MYBL2: variants seen among roughly 807,000 people sequenced by gnomAD.
MYBL2 encodes myb-related protein B.
In MYBL2, 28 loss-of-function variants were observed where a neutral mutation model predicts 79.9. The ratio of observed to expected loss-of-function variants is 0.35; its 90% CI spans 0.26 to 0.48. The LOEUF (loss-of-function observed/expected upper bound fraction) is 0.48, where lower values mean the gene tolerates loss of function less well. Ranked by LOEUF, MYBL2 falls within the 20% of genes least tolerant of loss-of-function variation. The pLI, the probability that MYBL2 is intolerant of heterozygous loss-of-function variation, is 0.99. For synonymous variants in MYBL2, 378 were observed against 361.2 expected, an observed-to-expected ratio of 1.05 and a Z score of -0.53; for missense variants, 735 against 893.9, an observed-to-expected ratio of 0.82 and a Z score of 2.27.
chr20:43,698,240 A>G (rs184032), intron 6 of MYBL2, among the ~76,000 whole-genome samples: 114,089 of 151,132 alleles, frequency 0.75, 44,017 homozygotes, highest in Non-Finnish European at 0.83. Flanking sequence ...CGTTTGTTTT[A>G]TAGAGATGGG....
At chr20:43,668,282 C>G (rs1432635466) in intron 1 of MYBL2, among the ~76,000 whole-genome samples, 1 of 150,356 alleles carries the variant, frequency 6.7e-6, no homozygotes, top group South Asian at 2.1e-4. Flanking sequence ...CTCACTGCAA[C>G]CTCCGCCTCC....
intron 1 of MYBL2, among the ~76,000 whole-genome samples, chr20:43,668,191 C>T (rs914257516): frequency 5.8e-5 from 7 of 121,450 alleles, no homozygotes; most frequent in Non-Finnish European, 9.6e-5. Context: ...ACCTTCGTTC[C>T]CTCTTTTTTT....
At chr20:43,712,919 C>T in intron 11 of MYBL2, 83 bp from the exon 12 acceptor site, 2 of 1,067,700 alleles carry the variant, frequency 1.9e-6, no homozygotes, top group Non-Finnish European at 2.8e-6. Context: ...GTTTTGTGAC[C>T]ATCCATGGCC....
chr20:43,690,678 T>C (rs933175932), intron 5 of MYBL2, among the ~76,000 whole-genome samples: 2 of 152,180 alleles, frequency 1.3e-5, no homozygotes, highest in Non-Finnish European at 2.9e-5. Context: ...TTACTCTCTG[T>C]TCACTTTTCA....
chr20:43,671,702 C>T (rs1241859373), intron 1 of MYBL2, among the ~76,000 whole-genome samples: 7 of 151,728 alleles, frequency 4.6e-5, no homozygotes, highest in African/African-American at 1.7e-4. Flanking sequence ...GAACTCCCGA[C>T]CTCAGGTGAT....
intron 3 of MYBL2, 78 bp from the exon 4 acceptor site, chr20:43,682,716 C>T (rs1367149058): frequency 1.5e-6 from 2 of 1,372,634 alleles, no homozygotes; most frequent in Non-Finnish European, 2.1e-6. Flanking sequence ...GGCCCCTGAG[C>T]CTAGTACTTA....
intron 4 of MYBL2, 111 bp from the exon 5 acceptor site, chr20:43,686,741 T>C (rs1161873152): frequency 3.9e-6 from 4 of 1,017,140 alleles, no homozygotes; most frequent in Non-Finnish European, 5.8e-6. Context: ...TGAGGGGATG[T>C]GGTAGGTGGC....
At chr20:43,712,468 C>T (rs1987929214) in intron 11 of MYBL2, among the ~76,000 whole-genome samples, 1 of 152,090 alleles carries the variant, frequency 6.6e-6, no homozygotes, top group African/African-American at 2.4e-5. Context: ...GCTGAGTGCA[C>T]TGTTGGGTAG....
At chr20:43,682,767 T>C in intron 3 of MYBL2, 27 bp from the exon 4 acceptor site, 1 of 1,609,846 alleles carries the variant, frequency 6.2e-7, no homozygotes, top group Non-Finnish European at 8.5e-7. Flanking sequence ...TCTCACAGAT[T>C]GGTTTGTTCT....
chr20:43,686,733 AG>A lies in MYBL2; in HGVS notation c.280-115del, dbSNP rs755438932. ...CCTGCAGCTCGCTCAGTGTTGCCTG[AG>A]GGGATGTGGTAGGTGGCACCTCTCA... On this transcript the variant is annotated intron_variant, in intron 4 of 13. Coordinates refer to ENST00000217026, the MANE Select transcript of MYBL2 (RefSeq NM_002466.4). The A allele has an allele frequency of 7.2e-4, 690 of 958,518 alleles. 7 individuals are homozygous for A. The highest frequency in any genetic ancestry group is 2.8e-3 in the Middle Eastern group (9 of 3,158). 59.4% of individuals were successfully genotyped at this position (958,518 alleles called of 1,614,324 possible).
intron 4 of MYBL2, among the ~76,000 whole-genome samples, chr20:43,683,143 T>C (rs552517632): frequency 6.6e-6 from 1 of 152,246 alleles, no homozygotes; most frequent in African/African-American, 2.4e-5. Context: ...GTTCCACCCA[T>C]GGAGGGGAGC....
Position 43,699,965 on chromosome 20 carries a change from A to G in MYBL2, c.872A>G (p.Lys291Arg). 1 of 1,614,152 alleles carries G rather than the reference A, an allele frequency of 6.2e-7. No individual in the cohort carries two copies. The highest frequency in any genetic ancestry group is 8.5e-7 in the Non-Finnish European group (1 of 1,180,026). Residue 291 changes from lysine (K) to arginine (R), a missense_variant, in exon 7 of 14, where the codon AAG becomes AGG. Transcript: ENST00000217026. ...GSPPETSLPY[K>R]WVVEAANLLI... Reference sequence around the variant, plus strand: ...CCACCAGAAACGAGCCTGCCTTACAAGTGGGTGGTGGAGGCAGCTAACCTC... The same window carrying G: ...CCACCAGAAACGAGCCTGCCTTACAGGTGGGTGGTGGAGGCAGCTAACCTC...
intron 10 of MYBL2, among the ~76,000 whole-genome samples, chr20:43,710,839 G>T (rs571709931): frequency 1.3e-5 from 2 of 152,306 alleles, no homozygotes; most frequent in South Asian, 4.1e-4. Flanking sequence ...CTCCTTTCCT[G>T]TTGCAGTGGA....
chr20:43,704,845 A>C (rs944875332), intron 8 of MYBL2, among the ~76,000 whole-genome samples: 1 of 152,228 alleles, frequency 6.6e-6, no homozygotes, highest in Non-Finnish European at 1.5e-5. Flanking sequence ...CCACCAGCAC[A>C]CTACAACTGT....
intron 7 of MYBL2, 88 bp downstream of exon 7, chr20:43,700,132 C>G: frequency 6.6e-7 from 1 of 1,504,018 alleles, no homozygotes. Flanking sequence ...TTTGCTCATT[C>G]CATCGCCCTG....
At chr20:43,713,704 G>A (rs1987964361) in intron 12 of MYBL2, among the ~76,000 whole-genome samples, 1 of 152,168 alleles carries the variant, frequency 6.6e-6, no homozygotes, top group Non-Finnish European at 1.5e-5. Flanking sequence ...GTGTCTTAAG[G>A]TATAGCCAGG....
At chr20:43,691,523 G>C (rs1987408142) in intron 5 of MYBL2, among the ~76,000 whole-genome samples, 1 of 147,306 alleles carries the variant, frequency 6.8e-6, no homozygotes, top group Non-Finnish European at 1.5e-5. Context: ...GTGAGCCACT[G>C]TTCCTGGTCT....
chr20:43,670,918 T>A (rs1355814105), intron 1 of MYBL2, among the ~76,000 whole-genome samples: 1 of 151,724 alleles, frequency 6.6e-6, no homozygotes, highest in African/African-American at 2.4e-5. Flanking sequence ...TTACTAACTT[T>A]CCTCAAGCAC....
chr20:43,711,229 C>T (rs1987897789), intron 10 of MYBL2, among the ~76,000 whole-genome samples: 1 of 152,214 alleles, frequency 6.6e-6, no homozygotes, highest in Non-Finnish European at 1.5e-5. Context: ...GGTTACTGCA[C>T]AGGGCTGTGT....
Sources: allele counts gnomAD v4.1 joint callset (sites outside exome capture counted in the v4.1 genomes callset), GRCh38; gene constraint gnomAD v4.1.1; transcripts MANE v1.5; gene names NCBI Gene and HGNC (gene_info 2026-07-23, HGNC 2026-07-21).